SOCS5: variants seen among roughly 807,000 people sequenced by gnomAD.
The protein encoded by SOCS5 is suppressor of cytokine signaling 5, also known as CIS-6.
In SOCS5, 32 loss-of-function variants were observed where a neutral mutation model predicts 42.8. The ratio of observed to expected loss-of-function variants is 0.75; its 90% confidence interval spans 0.56 to 1.01. The LOEUF is 1.01. Among genes scored for constraint, SOCS5 ranks in the 50% least tolerant of loss-of-function variants. The pLI is 0.00. For missense variants in SOCS5, 627 were observed against 653.0 expected (o/e 0.96, Z 0.43); for synonymous variants, 283 against 229.6 (o/e 1.23, Z -2.10).
intron 1 of SOCS5, among the ~76,000 whole-genome samples, chr2:46,724,458 G>A (rs1672950229): frequency 6.6e-6 from 1 of 151,786 alleles, no homozygotes; most frequent in Non-Finnish European, 1.5e-5. Context: ...AGCTTCTTAA[G>A]GTGGACAGTT....
chr2:46,731,067 G>A (rs557452794), intron 1 of SOCS5, among the ~76,000 whole-genome samples: 4 of 152,260 alleles, frequency 2.6e-5, no homozygotes, highest in South Asian at 2.1e-4. Flanking sequence ...AGCAAGATGC[G>A]TACCATCTGC....
chr2:46,705,810 C>A (rs76544931), intron 1 of SOCS5, among the ~76,000 whole-genome samples: 6,387 of 152,186 alleles, frequency 0.042, 186 homozygotes, highest in Middle Eastern at 0.12. Context: ...GTGACAGTTG[C>A]CAGATTTGCA....
intron 1 of SOCS5, among the ~76,000 whole-genome samples, chr2:46,710,099 A>G (rs1409662701): frequency 6.6e-6 from 1 of 152,168 alleles, no homozygotes; most frequent in Non-Finnish European, 1.5e-5. Flanking sequence ...GTGGGCAAAG[A>G]GTAAGGAGAT....
chr2:46,750,482 G>A (rs1220791974), intron 1 of SOCS5, among the ~76,000 whole-genome samples: 1 of 151,830 alleles, frequency 6.6e-6, no homozygotes, highest in African/African-American at 2.4e-5. Flanking sequence ...TTTTAAAAAT[G>A]GACCACTATA....
At chr2:46,741,716 C>G (rs1673381491) in intron 1 of SOCS5, among the ~76,000 whole-genome samples, 1 of 152,046 alleles carries the variant, frequency 6.6e-6, no homozygotes, top group African/African-American at 2.4e-5. Flanking sequence ...TTAAATGCCC[C>G]AGAAACATGG....
intron 1 of SOCS5, among the ~76,000 whole-genome samples, chr2:46,715,255 C>G (rs1225042046): frequency 6.6e-6 from 1 of 151,608 alleles, no homozygotes; most frequent in Non-Finnish European, 1.5e-5. Flanking sequence ...CCTGTAATTC[C>G]AGCTACTCTG....
At chr2:46,737,622 A>G (rs974876179) in intron 1 of SOCS5, among the ~76,000 whole-genome samples, 4 of 152,190 alleles carry the variant, frequency 2.6e-5, no homozygotes, top group African/African-American at 9.7e-5. Flanking sequence ...CTTCTACTAA[A>G]ATTATCTGAT....
At chr2:46,756,337 A>C (rs1673730097) in intron 1 of SOCS5, among the ~76,000 whole-genome samples, 1 of 152,354 alleles carries the variant, frequency 6.6e-6, no homozygotes, top group East Asian at 1.9e-4. Context: ...TAGGGTCAGT[A>C]AACTTTTTCT....
At chr2:46,709,059 G>T (rs1672557757) in intron 1 of SOCS5, among the ~76,000 whole-genome samples, 1 of 151,860 alleles carries the variant, frequency 6.6e-6, no homozygotes. Context: ...GCTAATTTTT[G>T]TATTTTTAGT....
In SOCS5 at chr2:46,722,980, T is replaced by G. The variant is rs547474533; in HGVS notation, c.-13+23531T>G. Among the ~76,000 whole-genome samples, 8 of 152,238 alleles carry G rather than the reference T, an allele frequency of 5.3e-5. No homozygotes were observed. In the East Asian group the frequency reaches 1.5e-3, roughly 29 times the overall value. ...TTTTCAGTGAACTCTGTTCAAGTCTTTTGCCCATTTTTAATGGCTGTTATA... is the reference window on the plus strand; with the variant it reads ...TTTTCAGTGAACTCTGTTCAAGTCTGTTGCCCATTTTTAATGGCTGTTATA... On this transcript the variant is annotated intron_variant, in intron 1 of 1. Coordinates refer to ENST00000394861, the MANE Select transcript of SOCS5 (RefSeq NM_144949.3).
intron 1 of SOCS5, among the ~76,000 whole-genome samples, chr2:46,725,931 G>A (rs1202518178): frequency 6.6e-6 from 1 of 151,684 alleles, no homozygotes; most frequent in African/African-American, 2.4e-5. Flanking sequence ...CTTTCGAACT[G>A]CATTGTTTCT....
chr2:46,742,939 CA>C (rs2103743644), intron 1 of SOCS5, among the ~76,000 whole-genome samples: 1 of 152,268 alleles, frequency 6.6e-6, no homozygotes, highest in South Asian at 2.1e-4. Flanking sequence ...GCTGGGATTA[CA>C]GGCATGAGGT....
At chr2:46,716,673 C>T (rs11893955) in intron 1 of SOCS5, among the ~76,000 whole-genome samples, 9,296 of 151,988 alleles carry the variant, frequency 0.061, 307 homozygotes, top group Middle Eastern at 0.13. Flanking sequence ...CAGATAGGGC[C>T]TCTCTATGTT....
rs1468747337 is a variant in SOCS5 at position 46,762,480 on chromosome 2, C to G, written c.*2339C>G. ...ATTAATGCTTTTATGTATTTCAAAA[C>G]TTTCATATGTTAAATGGAAATTGTT... On this transcript the variant is annotated 3_prime_UTR_variant, in exon 2 of 2. Coordinates refer to ENST00000394861, the MANE Select transcript of SOCS5 (RefSeq NM_144949.3). The G allele has an allele frequency of 1.2e-5, 2 of 166,112 alleles. No individual in the cohort carries two copies. Among genetic ancestry groups the G allele is most frequent in the African/African-American group, 4.8e-5 (2 of 41,430 alleles). The allele number at this position is 166,112 out of a possible 1,614,324, so 10.3% of individuals were successfully genotyped here. A position where few individuals can be genotyped will look rare whatever the true frequency, so the allele number is the denominator to read the frequency against.
intron 1 of SOCS5, among the ~76,000 whole-genome samples, chr2:46,750,983 T>C (rs1185537562): frequency 6.6e-6 from 1 of 152,168 alleles, no homozygotes; most frequent in African/African-American, 2.4e-5. Context: ...AATGACACTA[T>C]TGTACTTGGA....
At chr2:46,752,834 G>T (rs1240876944) in intron 1 of SOCS5, among the ~76,000 whole-genome samples, 1 of 152,140 alleles carries the variant, frequency 6.6e-6, no homozygotes, top group Non-Finnish European at 1.5e-5. Flanking sequence ...CTCTGAAACA[G>T]CATCTCTATT....
rs1220447033 is a variant in SOCS5 at position 46,725,304 on chromosome 2, C to CA, written c.-13+25862dup. Among the ~76,000 whole-genome samples the CA allele has an allele frequency of 2.6e-5, 4 of 151,806 alleles. No homozygotes were observed. The East Asian group carries it at 5.8e-4, about 22-fold the overall frequency. On this transcript the variant is annotated intron_variant, in intron 1 of 1. Transcript: ENST00000394861. ...TGGCATACAATTGGGTCATCCTTTT[C>CA]AAAAAAATCTAATAATTTTGTCTTT...
intron 1 of SOCS5, among the ~76,000 whole-genome samples, chr2:46,742,379 G>A (rs114840991): frequency 0.019 from 2,443 of 129,394 alleles, 75 homozygotes; most frequent in African/African-American, 0.068. Flanking sequence ...CTGGTCTGTA[G>A]ACGCACACCA....
intron 1 of SOCS5, among the ~76,000 whole-genome samples, chr2:46,748,576 T>G (rs1312215614): frequency 6.6e-6 from 1 of 152,196 alleles, no homozygotes; most frequent in Non-Finnish European, 1.5e-5. Context: ...GTTTCTTTCT[T>G]GGATTCATTA....
Sources: gnomAD v4.1 joint callset for allele counts (sites outside exome capture counted in the v4.1 genomes callset) on GRCh38, gnomAD v4.1.1 for gene constraint, MANE v1.5 for transcripts, NCBI Gene and HGNC (gene_info 2026-07-23, HGNC 2026-07-21) for gene names.